WWOX: variants seen among roughly 807,000 people sequenced by gnomAD.
WWOX encodes WW domain containing oxidoreductase, also known as WW domain-containing oxidoreductase.
Under a neutral mutation model 46.2 loss-of-function variants are expected in WWOX, and 69 were observed. The ratio of observed to expected loss-of-function variants is 1.49; its 90% CI spans 1.23 to 1.82. The LOEUF (loss-of-function observed/expected upper bound fraction) is 1.82. WWOX is among the 40% of genes most tolerant of loss of function. The probability of loss-of-function intolerance (pLI) is 0.00; values close to 1 mark genes in which losing one functional copy is unlikely to be tolerated. For synonymous variants in WWOX, 359 were observed against 202.6 expected (o/e 1.77, Z -6.56); for missense variants, 919 against 542.6 (o/e 1.69, Z -6.89).
At chr16:79,087,120 AG>A (rs1213464899) in intron 8 of WWOX, among the ~76,000 whole-genome samples, 19 of 152,158 alleles carry the variant, frequency 1.2e-4, no homozygotes, top group African/African-American at 4.3e-4. Context: ...TGCATTTTAG[AG>A]GTAAGAAGCC....
chr16:78,731,459 T>G (rs555001975), intron 8 of WWOX, among the ~76,000 whole-genome samples: 10 of 152,116 alleles, frequency 6.6e-5, no homozygotes, highest in Admixed American at 6.5e-4. Context: ...CAACATAGAC[T>G]TGTTACAAAG....
rs551624507 is a variant in WWOX at position 78,562,625 on chromosome 16, T to G, written c.1056+129873T>G. ...CTTACTCCCATTGGAGAGGCCTGTT[T>G]CCATACATAGCTCTTTGTCAGTTGC... On this transcript the variant is annotated intron_variant, in intron 8 of 8. Transcript: ENST00000566780. 3.3e-5 allele frequency among the ~76,000 whole-genome samples: 5 copies of G among 152,336 alleles called. No individual in the cohort carries two copies. The East Asian group carries it at 9.7e-4, about 29-fold the overall frequency.
intron 8 of WWOX, among the ~76,000 whole-genome samples, chr16:78,708,794 A>G (rs2048377979): frequency 6.6e-6 from 1 of 152,192 alleles, no homozygotes; most frequent in Admixed American, 6.5e-5. Context: ...AGGCTCCTTG[A>G]GGGAAGAAAC....
intron 8 of WWOX, among the ~76,000 whole-genome samples, chr16:78,737,729 G>T (rs1455345855): frequency 6.6e-6 from 1 of 152,118 alleles, no homozygotes; most frequent in Non-Finnish European, 1.5e-5. Flanking sequence ...TGATGTCCTG[G>T]TCCTTTGCTG....
intron 8 of WWOX, among the ~76,000 whole-genome samples, chr16:78,757,887 C>A (rs977726319): frequency 6.6e-6 from 1 of 152,046 alleles, no homozygotes; most frequent in Non-Finnish European, 1.5e-5. Flanking sequence ...GACTGAAGTA[C>A]CTCCTAAAGG....
rs2046114490 is a variant in WWOX, at chr16:78,953,968, A to C, written c.1057-257640A>C. On this transcript the variant is annotated intron_variant, in intron 8 of 8. Transcript: ENST00000566780. ...TGCTGCTGAATCCAAGTCCCTGTGC[A>C]AGATGCTGCAGGAGACAAAAAGATG... is the stretch of plus-strand genomic sequence containing the variant. 2.0e-5 allele frequency among the ~76,000 whole-genome samples: 3 copies of C among 152,230 alleles called. No individual in the cohort carries two copies. In the South Asian group the frequency reaches 6.2e-4, roughly 32 times the overall value.
chr16:78,960,179 G>C (rs2151311119), intron 8 of WWOX, among the ~76,000 whole-genome samples: 2 of 152,232 alleles, frequency 1.3e-5, no homozygotes, highest in South Asian at 4.2e-4. Context: ...GCCATGTTGT[G>C]GTGTAAAAGA....
chr16:78,894,661 G>A (rs2044662585), intron 8 of WWOX, among the ~76,000 whole-genome samples: 2 of 152,286 alleles, frequency 1.3e-5, no homozygotes, highest in Middle Eastern at 3.4e-3. Flanking sequence ...GCCTGCTTGT[G>A]TGTGTCTCAA....
At chr16:79,085,409 C>T (rs1302578525) in intron 8 of WWOX, among the ~76,000 whole-genome samples, 1 of 152,134 alleles carries the variant, frequency 6.6e-6, no homozygotes, top group East Asian at 1.9e-4. Context: ...GGGTGGTCTG[C>T]TTTGCTGAGC....
At chr16:79,010,158 A>G (rs1239755917) in intron 8 of WWOX, among the ~76,000 whole-genome samples, 1 of 152,098 alleles carries the variant, frequency 6.6e-6, no homozygotes, top group African/African-American at 2.4e-5. Context: ...TAATCCACCC[A>G]TGAAACAAGT....
chr16:78,531,790 A>G (rs1374359314), intron 8 of WWOX, among the ~76,000 whole-genome samples: 1 of 152,146 alleles, frequency 6.6e-6, no homozygotes, highest in Non-Finnish European at 1.5e-5. Context: ...CTCCAGAGGC[A>G]GAGGTTGTAG....
intron 8 of WWOX, among the ~76,000 whole-genome samples, chr16:78,866,643 C>A (rs954464594): frequency 6.6e-6 from 1 of 152,150 alleles, no homozygotes; most frequent in Admixed American, 6.5e-5. Flanking sequence ...TGGCTCCTGG[C>A]GGTGTTTTTG....
chr16:79,117,581 T>C (rs1597390074), intron 8 of WWOX, among the ~76,000 whole-genome samples: 1 of 152,364 alleles, frequency 6.6e-6, no homozygotes, highest in East Asian at 1.9e-4. Context: ...CATTGCCTTC[T>C]CCTCCCTAGC....
chr16:78,991,868 C>T (rs113106349), intron 8 of WWOX, among the ~76,000 whole-genome samples: 5 of 152,216 alleles, frequency 3.3e-5, no homozygotes, highest in African/African-American at 9.6e-5. Context: ...CATGTGGGGC[C>T]CTGTGGTCTT....
At chr16:78,415,448 G>T (rs1369765306) in intron 6 of WWOX, among the ~76,000 whole-genome samples, 1 of 152,052 alleles carries the variant, frequency 6.6e-6, no homozygotes, top group African/African-American at 2.4e-5. Flanking sequence ...ATGTTATCCT[G>T]TAACTTAGAA....
chr16:78,711,878 A>C (rs2048451517), intron 8 of WWOX, among the ~76,000 whole-genome samples: 1 of 152,160 alleles, frequency 6.6e-6, no homozygotes, highest in African/African-American at 2.4e-5. Context: ...AAATTCCCTC[A>C]GTGCACGCGC....
intron 8 of WWOX, among the ~76,000 whole-genome samples, chr16:79,071,093 T>A (rs1308988503): frequency 2.0e-5 from 3 of 152,176 alleles, no homozygotes; most frequent in African/African-American, 7.2e-5. Context: ...TTTTTATGAT[T>A]CCCATTTATT....
At chr16:78,669,725 C>T (rs983073527) in intron 8 of WWOX, among the ~76,000 whole-genome samples, 2 of 152,180 alleles carry the variant, frequency 1.3e-5, no homozygotes, top group African/African-American at 4.8e-5. Flanking sequence ...GGATAATTGC[C>T]TTTCATCCCT....
At chr16:79,026,051 T>A (rs2047634435) in intron 8 of WWOX, among the ~76,000 whole-genome samples, 1 of 151,656 alleles carries the variant, frequency 6.6e-6, no homozygotes, top group Non-Finnish European at 1.5e-5. Context: ...TCTGCCTGTC[T>A]TGGCCTCCCA....
Sources: allele counts gnomAD v4.1 joint callset (sites outside exome capture counted in the v4.1 genomes callset), GRCh38; gene constraint gnomAD v4.1.1; transcripts MANE v1.5; gene names NCBI Gene and HGNC (gene_info 2026-07-23, HGNC 2026-07-21).